ORC5: variants seen among roughly 807,000 people sequenced by gnomAD.
The protein encoded by ORC5 is protein phosphatase 1, regulatory subunit 117.
A neutral mutation model predicts 58.8 loss-of-function variants in ORC5; 39 were observed. That is an observed-to-expected ratio of 0.66 (90% CI 0.51 to 0.87). The LOEUF (loss-of-function observed/expected upper bound fraction) is 0.87. Among genes scored for constraint, ORC5 ranks in the 40% least tolerant of loss-of-function variants. The pLI, the probability that ORC5 is intolerant of heterozygous loss-of-function variation, is 0.00. For synonymous variants in ORC5, 218 were observed against 177.6 expected, an observed-to-expected ratio of 1.23 and a Z score of -1.81; for missense variants, 493 against 506.3, an observed-to-expected ratio of 0.97 and a Z score of 0.25.
intron 5 of ORC5, among the ~76,000 whole-genome samples, chr7:104,193,410 C>G (rs1355818039): frequency 4.6e-5 from 7 of 151,880 alleles, no homozygotes; most frequent in Non-Finnish European, 8.8e-5. Flanking sequence ...AAACCAAAAA[C>G]CTAATCAAAT....
intron 12 of ORC5, among the ~76,000 whole-genome samples, chr7:104,160,459 T>C (rs9656090): frequency 0.053 from 8,091 of 152,242 alleles, 710 homozygotes; most frequent in African/African-American, 0.18. Context: ...GTGCTAAGCA[T>C]TGTTTTTCTG....
Position 104,186,825 on chromosome 7 carries a change from T to C in ORC5, c.684+1426A>G, listed in dbSNP as rs532241250. Among the ~76,000 whole-genome samples, 14 of 152,326 alleles carry C rather than the reference T, an allele frequency of 9.2e-5. No homozygotes were observed. The South Asian group carries it at 2.5e-3, about 27-fold the overall frequency. ...TGTTTAAGGATCCTTTTCTCTATTA[T>C]TACCAATAGTAGTATAAGACTTAAA... On this transcript the variant is annotated intron_variant, in intron 6 of 13. Coordinates refer to ENST00000297431, the MANE Select transcript of ORC5 (RefSeq NM_002553.4).
intron 12 of ORC5, among the ~76,000 whole-genome samples, chr7:104,139,056 A>G (rs764812021): frequency 6.6e-6 from 1 of 152,220 alleles, no homozygotes; most frequent in Non-Finnish European, 1.5e-5. Flanking sequence ...CAGCAGGAAA[A>G]AGAGTCAGCA....
Position 104,137,456 on chromosome 7 carries a change from A to T in ORC5, c.1150-563T>A, listed in dbSNP as rs189324121. Among the ~76,000 whole-genome samples, 9 of 152,076 alleles carry T rather than the reference A, an allele frequency of 5.9e-5. No homozygotes were observed. In the East Asian group the frequency reaches 1.7e-3, roughly 29 times the overall value. On this transcript the variant is annotated intron_variant, in intron 12 of 13. Transcript: ENST00000297431. Reference sequence around the variant, plus strand: ...TGGTCCCTGGCTAGTGCTCCACTCCAAGTCTGAGCCCACAGACCTAGGTAA... The same window carrying T: ...TGGTCCCTGGCTAGTGCTCCACTCCTAGTCTGAGCCCACAGACCTAGGTAA...
intron 5 of ORC5, among the ~76,000 whole-genome samples, chr7:104,192,451 C>G (rs1378769742): frequency 6.6e-6 from 1 of 152,006 alleles, no homozygotes. Flanking sequence ...GTAGAGATTC[C>G]AGAAAAACTA....
At chr7:104,130,437 T>C (rs1293686998) in intron 13 of ORC5, among the ~76,000 whole-genome samples, 2 of 152,208 alleles carry the variant, frequency 1.3e-5, no homozygotes, top group East Asian at 3.8e-4. Context: ...TTCCAATGAA[T>C]GTTTAACTCT....
At chr7:104,160,521 T>G (rs2115848197) in intron 12 of ORC5, among the ~76,000 whole-genome samples, 1 of 152,286 alleles carries the variant, frequency 6.6e-6, no homozygotes, top group Admixed American at 6.5e-5. Context: ...TGTTTTTTCT[T>G]AAAATGTCAA....
chr7:104,147,369 T>C (rs1798773706), intron 12 of ORC5, among the ~76,000 whole-genome samples: 1 of 152,070 alleles, frequency 6.6e-6, no homozygotes, highest in Non-Finnish European at 1.5e-5. Flanking sequence ...CCAACCGGAG[T>C]GTTCTATTTT....
chr7:104,192,465 C>G (rs760185477), intron 5 of ORC5, among the ~76,000 whole-genome samples: 2 of 152,012 alleles, frequency 1.3e-5, no homozygotes, highest in Non-Finnish European at 2.9e-5. Flanking sequence ...AAAACTATGT[C>G]TTAGAAGTAG....
Position 104,136,701 on chromosome 7 carries a change from TG to T in ORC5, c.1262+79del. 1.2e-6 allele frequency: 1 copy of T among 867,864 alleles called. No individual in the cohort carries two copies. The highest frequency in any genetic ancestry group is 1.9e-6 in the Non-Finnish European group (1 of 530,396). 53.8% of individuals were successfully genotyped at this position (867,864 alleles called of 1,614,324 possible). A position where few individuals can be genotyped will look rare whatever the true frequency, so the allele number is the denominator to read the frequency against. ...AATAGATGATTTTTTCATGTTTAAA[TG>T]TCATGACTAATGACATCACATTTGG... On this transcript the variant is annotated intron_variant, in intron 13 of 13. Transcript: ENST00000297431. This position sits in a 1 kb window ranked among gnomAD's most constrained non-coding sequence, Gnocchi z 4.2.
chr7:104,206,674 GCCATGCAA>G (rs1800093569), intron 1 of ORC5, among the ~76,000 whole-genome samples: 1 of 152,124 alleles, frequency 6.6e-6, no homozygotes, highest in African/African-American at 2.4e-5. Flanking sequence ...ACCTCAAATT[GCCATGCAA>G]TATTTCTAGT....
At chr7:104,196,819 G>A (rs1419186264) in intron 4 of ORC5, among the ~76,000 whole-genome samples, 1 of 151,962 alleles carries the variant, frequency 6.6e-6, no homozygotes, top group African/African-American at 2.4e-5. Context: ...CAATAAAATT[G>A]AAATTAATAT....
At chr7:104,164,967 T>C (rs1177645792) in intron 11 of ORC5, among the ~76,000 whole-genome samples, 1 of 152,216 alleles carries the variant, frequency 6.6e-6, no homozygotes, top group Non-Finnish European at 1.5e-5. Context: ...ATTGGCTGTA[T>C]TTAACTAAAT....
At chr7:104,149,590 A>G (rs1348987416) in intron 12 of ORC5, among the ~76,000 whole-genome samples, 1 of 152,182 alleles carries the variant, frequency 6.6e-6, no homozygotes, top group Non-Finnish European at 1.5e-5. Flanking sequence ...TTTTACTACT[A>G]AATTTTTAGT....
intron 6 of ORC5, chr7:104,187,599 A>C (rs1799576080): frequency 4.0e-6 from 1 of 249,792 alleles, no homozygotes; most frequent in Non-Finnish European, 6.3e-6. Context: ...AAAAGGGAAA[A>C]CAGAAATTCT....
chr7:104,130,885 T>C (rs1020810308), intron 13 of ORC5, among the ~76,000 whole-genome samples: 2 of 152,216 alleles, frequency 1.3e-5, no homozygotes, highest in African/African-American at 2.4e-5. Context: ...CTGGCTTTAC[T>C]TCCTTCCTGC....
At chr7:104,128,251 T>A (rs1185661619) in intron 13 of ORC5, among the ~76,000 whole-genome samples, 3 of 152,170 alleles carry the variant, frequency 2.0e-5, no homozygotes, top group Non-Finnish European at 4.4e-5. Flanking sequence ...GCCTCTCAAG[T>A]AGCTGAAGGT....
chr7:104,156,515 T>C (rs1798927785), intron 12 of ORC5, among the ~76,000 whole-genome samples: 2 of 151,732 alleles, frequency 1.3e-5, no homozygotes. Flanking sequence ...AACTTCATTA[T>C]AGAATAGATT....
In ORC5 at chr7:104,147,940, T is replaced by C. The variant is rs947975182; in HGVS notation, c.1150-11047A>G. Among the ~76,000 whole-genome samples, 13 of 152,322 alleles carry C rather than the reference T, an allele frequency of 8.5e-5. No homozygotes were observed. In the South Asian group the frequency reaches 2.3e-3, roughly 27 times the overall value. On this transcript the variant is annotated intron_variant, in intron 12 of 13. Coordinates refer to ENST00000297431, the MANE Select transcript of ORC5 (RefSeq NM_002553.4). ...TTTCAAAATTCCTGAGAATGACACA[T>C]ATGTGTTTTGGCATTTACTCCTTCC...
Sources: allele counts gnomAD v4.1 joint callset (sites outside exome capture counted in the v4.1 genomes callset), GRCh38; gene constraint gnomAD v4.1.1; non-coding constraint Gnocchi (gnomAD v3.1); transcripts MANE v1.5; gene names NCBI Gene and HGNC (gene_info 2026-07-23, HGNC 2026-07-21).